Variants in GLE1 observed in about 807,000 individuals in gnomAD.
GLE1 encodes the protein GLE1 RNA export mediator, also known as mRNA export factor GLE1.
GLE1 carries 78 observed loss-of-function variants against 97.3 expected under a neutral mutation model. The observed-to-expected ratio is 0.80, with a 90% CI of 0.67 to 0.97. The LOEUF (loss-of-function observed/expected upper bound fraction) is 0.97. Among genes scored for constraint, GLE1 ranks in the 50% least tolerant of loss-of-function variants. The pLI is 0.00. For synonymous variants in GLE1, 302 were observed against 313.4 expected (o/e 0.96, Z 0.39); for missense variants, 753 against 857.5 (o/e 0.88, Z 1.52).
intron 3 of GLE1, among the ~76,000 whole-genome samples, chr9:128,519,465 G>A (rs1847078244): frequency 1.3e-5 from 2 of 152,152 alleles, no homozygotes; most frequent in Admixed American, 6.6e-5. Flanking sequence ...TTTATGGTCT[G>A]TAGACTGTAG....
At chr9:128,508,115 G>T (rs1386867437) in intron 1 of GLE1, among the ~76,000 whole-genome samples, 1 of 151,268 alleles carries the variant, frequency 6.6e-6, no homozygotes, top group Non-Finnish European at 1.5e-5. Context: ...GGGAGGTGGA[G>T]GTTGTGGTGA....
rs1476350233 is a variant in GLE1 at position 128,536,402 on chromosome 9, A to G, written c.1694A>G (p.Asn565Ser). Reference protein sequence around the residue: ...VKDSKVEQQDNFLKRMSGMIR... With the variant: ...VKDSKVEQQDSFLKRMSGMIR... ...GATTCCAAAGTGGAGCAGCAAGACAACTTTCTAAAACGCATGTCAGGGATG... is the reference window on the plus strand; with the variant it reads ...GATTCCAAAGTGGAGCAGCAAGACAGCTTTCTAAAACGCATGTCAGGGATG... Residue 565 changes from asparagine to serine, a missense_variant, in exon 12 of 16, where the codon AAC becomes AGC. Coordinates refer to ENST00000309971, the MANE Select transcript of GLE1 (RefSeq NM_001003722.2). The G allele has an allele frequency of 2.5e-6, 4 of 1,613,926 alleles. No individual in the cohort carries two copies. Among genetic ancestry groups the G allele is most frequent in the South Asian group, 1.1e-5 (1 of 91,090 alleles).
At chr9:128,532,501 A>G (rs945860502) in intron 9 of GLE1, among the ~76,000 whole-genome samples, 2 of 151,140 alleles carry the variant, frequency 1.3e-5, no homozygotes, top group Non-Finnish European at 3.0e-5. Flanking sequence ...GCTGGCCCAG[A>G]TCTGCTTAAG....
In GLE1 at chr9:128,509,086, A is replaced by G. The variant is rs543589909; in HGVS notation, c.310A>G (p.Asn104Asp). ...AFSPASPATP[N>D]GTKGKDESQH... ...TTCCCCAGCCTCCCCTGCAACACCA[A>G]ATGGAACCAAGGTAAGGTTGTGATC... is the stretch of plus-strand genomic sequence containing the variant. Residue 104 changes from asparagine to aspartate, a missense_variant, in exon 2 of 16, where the codon AAT becomes GAT. Transcript: ENST00000309971. 61 of 1,597,500 alleles carry G rather than the reference A, an allele frequency of 3.8e-5. No individual in the cohort carries two copies. Among genetic ancestry groups the G allele is most frequent in the Non-Finnish European group, 4.7e-5 (55 of 1,164,910 alleles).
chr9:128,521,854 G>C (rs1240340804), intron 3 of GLE1, among the ~76,000 whole-genome samples: 1 of 152,142 alleles, frequency 6.6e-6, no homozygotes, highest in African/African-American at 2.4e-5. Flanking sequence ...TTCAAATTTT[G>C]ATAGTTAAAA....
intron 3 of GLE1, among the ~76,000 whole-genome samples, chr9:128,517,956 TAG>T (rs960950019): frequency 6.6e-6 from 1 of 152,152 alleles, no homozygotes; most frequent in Non-Finnish European, 1.5e-5. Flanking sequence ...TTTTAGGATA[TAG>T]AGATTCCTCA....
intron 1 of GLE1, among the ~76,000 whole-genome samples, chr9:128,505,356 A>G (rs760092810): frequency 1.3e-5 from 2 of 152,180 alleles, no homozygotes; most frequent in Non-Finnish European, 2.9e-5. Flanking sequence ...TGGTCACCGT[A>G]CCTAGCATTT....
rs1846728987 is a variant in GLE1, at chr9:128,509,069, C to T, written c.293C>T (p.Ala98Val). 1 of 1,611,786 alleles carries T rather than the reference C, an allele frequency of 6.2e-7. No individual in the cohort carries two copies. The highest frequency in any genetic ancestry group is 8.5e-7 in the Non-Finnish European group (1 of 1,177,850). Reference protein sequence around the residue: ...SPDASSAFSPASPATPNGTKG... With the variant: ...SPDASSAFSPVSPATPNGTKG... The stretch of plus-strand genomic sequence containing the variant: ...GACGCAAGCTCTGCCTTTTCCCCAG[C>T]CTCCCCTGCAACACCAAATGGAACC... The change falls in exon 2 of 16, where the codon GCC (alanine) becomes GTC (valine). Residue 98 changes from alanine to valine, a missense_variant. Coordinates refer to ENST00000309971, the MANE Select transcript of GLE1 (RefSeq NM_001003722.2).
chr9:128,521,301 A>C (rs866978968), intron 3 of GLE1, among the ~76,000 whole-genome samples: 1 of 152,152 alleles, frequency 6.6e-6, no homozygotes, highest in African/African-American at 2.4e-5. Context: ...TGGGAGGCCA[A>C]AGTGGGAGGA....
intron 2 of GLE1, 148 bp from the exon 3 acceptor site, chr9:128,515,381 A>G (rs1289430122): frequency 6.2e-6 from 4 of 642,960 alleles, no homozygotes; most frequent in Non-Finnish European, 1.1e-5. Flanking sequence ...TGAAAAGCAC[A>G]CTAGTTCTGA....
Position 128,506,422 on chromosome 9 carries a change from T to G in GLE1, c.99+1518T>G, listed in dbSNP as rs575003404. 2.0e-5 allele frequency among the ~76,000 whole-genome samples: 3 copies of G among 152,360 alleles called. No homozygotes were observed. The East Asian group carries it at 5.8e-4, about 29-fold the overall frequency. ...AATTAAAAAGAAAAATGTCCCAGAT[T>G]TGGCTACTGGGCACCTCATTAAGTT... On this transcript the variant is annotated intron_variant, in intron 1 of 15. Coordinates refer to ENST00000309971, the MANE Select transcript of GLE1 (RefSeq NM_001003722.2).
chr9:128,525,042 C>T, intron 6 of GLE1, 150 bp from the exon 7 acceptor site: 1 of 706,656 alleles, frequency 1.4e-6, no homozygotes, highest in South Asian at 1.5e-5. Context: ...TTATTAATAC[C>T]TTTAAGAGAA....
intron 12 of GLE1, among the ~76,000 whole-genome samples, chr9:128,537,321 T>A (rs1357920693): frequency 1.3e-5 from 2 of 150,872 alleles, no homozygotes; most frequent in Non-Finnish European, 3.0e-5. Context: ...GGCATGGTGG[T>A]GGGCACCTGT....
chr9:128,528,076 C>T (rs1387864562), intron 9 of GLE1, among the ~76,000 whole-genome samples: 15 of 145,980 alleles, frequency 1.0e-4, no homozygotes, highest in African/African-American at 3.5e-4. Context: ...CTCGGCTCAC[C>T]GCAAGCTCCG....
intron 2 of GLE1, among the ~76,000 whole-genome samples, chr9:128,510,044 A>T (rs1184104124): frequency 6.6e-6 from 1 of 152,046 alleles, no homozygotes; most frequent in Non-Finnish European, 1.5e-5. Context: ...ATATACGTGA[A>T]CATGTCTTCT....
chr9:128,519,270 A>G (rs1430917440), intron 3 of GLE1, among the ~76,000 whole-genome samples: 1 of 152,248 alleles, frequency 6.6e-6, no homozygotes, highest in East Asian at 1.9e-4. Context: ...TGTTTAGGAA[A>G]CAAGAGAGAT....
rs1223347662 is a variant in GLE1, at chr9:128,534,073, TATA to T, written c.1646+125_1646+127del. On this transcript the variant is annotated intron_variant, in intron 11 of 15. Coordinates refer to ENST00000309971, the MANE Select transcript of GLE1 (RefSeq NM_001003722.2). ...CGTACCTTGAATGTTCTATCAGAAATATAATGTCTTTCGGCCGGGTGCAGTGGC... is the reference window on the plus strand; with the variant it reads ...CGTACCTTGAATGTTCTATCAGAAATATGTCTTTCGGCCGGGTGCAGTGGC... The T allele has an allele frequency of 5.1e-6, 4 of 786,168 alleles. No individual in the cohort carries two copies. In the Admixed American group the frequency reaches 5.6e-5, roughly 11 times the overall value. 48.7% of individuals were successfully genotyped at this position (786,168 alleles called of 1,614,324 possible).
Position 128,509,133 on chromosome 9 carries a change from T to A in GLE1, c.321+36T>A, listed in dbSNP as rs770504824. The A allele has an allele frequency of 1.2e-4, 147 of 1,246,978 alleles. 1 individual carries two copies. In the Middle Eastern group the frequency reaches 1.3e-3, roughly 11 times the overall value. The allele number at this position is 1,246,978 out of a possible 1,614,324, so 77.2% of individuals were successfully genotyped here. ...GATCAGCTTAAGACAAAAGACATGG[T>A]GGCTGCAAAGTCAAAATGTTTAATA... On this transcript the variant is annotated intron_variant, in intron 2 of 15. Transcript: ENST00000309971.
At chr9:128,520,931 T>C (rs1223260536) in intron 3 of GLE1, among the ~76,000 whole-genome samples, 3 of 151,966 alleles carry the variant, frequency 2.0e-5, no homozygotes. Context: ...GCCAGATAAT[T>C]TTTAAATTTT....
Sources: gnomAD v4.1 joint callset for allele counts (sites outside exome capture counted in the v4.1 genomes callset) on GRCh38, gnomAD v4.1.1 for gene constraint, MANE v1.5 for transcripts, NCBI Gene and HGNC (gene_info 2026-07-23, HGNC 2026-07-21) for gene names.